Variants in SCHIP1 observed in about 807,000 individuals in gnomAD.
SCHIP1 encodes the protein schwannomin interacting protein 1, also known as schwannomin-interacting protein 1.
Under a neutral mutation model 29.7 loss-of-function variants are expected in SCHIP1, and 8 were observed. That is an observed-to-expected ratio of 0.27 (90% CI 0.16 to 0.49). SCHIP1 has a LOEUF of 0.49. Ranked by LOEUF, SCHIP1 falls within the 20% of genes least tolerant of loss-of-function variation. The pLI, the probability that SCHIP1 is intolerant of heterozygous loss-of-function variation, is 0.99. For missense variants in SCHIP1, 193 were observed against 294.6 expected (o/e 0.66, Z 2.52); for synonymous variants, 76 against 94.9 (o/e 0.80, Z 1.16).
chr3:159,554,082 G>A, the SCHIP1 span, among the ~76,000 whole-genome samples: 2 of 151,594 alleles, frequency 1.3e-5, no homozygotes, highest in African/African-American at 4.9e-5. Flanking sequence ...GTGTTAGCCG[G>A]GGTGGTCTCG....
chr3:159,795,857 T>G, the SCHIP1 span, among the ~76,000 whole-genome samples: 1 of 152,118 alleles, frequency 6.6e-6, no homozygotes, highest in Admixed American at 6.5e-5. Context: ...AAGCCAATAG[T>G]AAGAGGGAGG....
chr3:159,888,272 A>G (rs1717152275), intron 4 of SCHIP1: 1 of 292,034 alleles, frequency 3.4e-6, no homozygotes, highest in South Asian at 4.0e-5. Context: ...TAAAGACAAT[A>G]TCACATAGTG....
the SCHIP1 span, among the ~76,000 whole-genome samples, chr3:159,831,562 CAA>C: frequency 6.6e-6 from 1 of 152,080 alleles, no homozygotes; most frequent in African/African-American, 2.4e-5. Context: ...ATAATTATAA[CAA>C]TATGCCAGCA....
chr3:159,373,914 T>A, the SCHIP1 span, among the ~76,000 whole-genome samples: 1 of 152,164 alleles, frequency 6.6e-6, no homozygotes, highest in Non-Finnish European at 1.5e-5. Flanking sequence ...TTCCACATAC[T>A]ACATATCTTT....
the SCHIP1 span, among the ~76,000 whole-genome samples, chr3:159,303,721 G>A: frequency 9.2e-5 from 14 of 152,254 alleles, no homozygotes; most frequent in African/African-American, 3.4e-4. Context: ...TGAGCAGTAG[G>A]AGGGAGTTGA....
the SCHIP1 span, among the ~76,000 whole-genome samples, chr3:159,373,249 T>C: frequency 1.3e-5 from 2 of 151,414 alleles, no homozygotes; most frequent in African/African-American, 2.4e-5. Context: ...ATTACAGTTA[T>C]ATACATATAT....
At chr3:159,288,217 C>T in the SCHIP1 span, among the ~76,000 whole-genome samples, 3 of 152,070 alleles carry the variant, frequency 2.0e-5, no homozygotes, top group Non-Finnish European at 4.4e-5. Flanking sequence ...CAAAGACAAC[C>T]ACACTCTCAG....
At chr3:159,607,036 T>A in the SCHIP1 span, among the ~76,000 whole-genome samples, 2 of 152,352 alleles carry the variant, frequency 1.3e-5, no homozygotes, top group African/African-American at 4.8e-5. Context: ...CTTCAGTTCT[T>A]AGAAACTTAA....
the SCHIP1 span, among the ~76,000 whole-genome samples, chr3:159,528,249 A>T: frequency 1.3e-5 from 2 of 152,226 alleles, no homozygotes; most frequent in East Asian, 3.8e-4. Context: ...AGAACAGGAT[A>T]TTTAAATGTA....
At chr3:159,600,155 T>G in the SCHIP1 span, among the ~76,000 whole-genome samples, 1 of 152,174 alleles carries the variant, frequency 6.6e-6, no homozygotes, top group East Asian at 1.9e-4. Flanking sequence ...CATTTTGTCT[T>G]TGACTTTAGG....
At chr3:159,761,880 G>C in the SCHIP1 span, among the ~76,000 whole-genome samples, 1 of 152,170 alleles carries the variant, frequency 6.6e-6, no homozygotes, top group Admixed American at 6.5e-5. Flanking sequence ...CTCAGAGGGA[G>C]TCTGGGTGGG....
At chr3:159,467,942 T>C in the SCHIP1 span, among the ~76,000 whole-genome samples, 1 of 152,136 alleles carries the variant, frequency 6.6e-6, no homozygotes, top group Non-Finnish European at 1.5e-5. Flanking sequence ...ATAGAGTAAT[T>C]TACTTTCATT....
intron 1 of SCHIP1, among the ~76,000 whole-genome samples, chr3:159,858,848 A>G (rs1211625907): frequency 1.3e-5 from 2 of 152,206 alleles, no homozygotes; most frequent in Admixed American, 6.5e-5. Flanking sequence ...CCAGCAGCCC[A>G]GGCTGACACT....
the SCHIP1 span, among the ~76,000 whole-genome samples, chr3:159,761,250 G>A: frequency 4.5e-4 from 69 of 152,328 alleles, no homozygotes; most frequent in African/African-American, 1.6e-3. Flanking sequence ...GTAATTTCAG[G>A]ACACAGCGGC....
At chr3:159,500,388 G>A in the SCHIP1 span, among the ~76,000 whole-genome samples, 1 of 151,934 alleles carries the variant, frequency 6.6e-6, no homozygotes, top group Non-Finnish European at 1.5e-5. Context: ...TTGTTTTCTT[G>A]ACAACAGGTA....
chr3:159,344,635 C>G, the SCHIP1 span, among the ~76,000 whole-genome samples: 2 of 152,116 alleles, frequency 1.3e-5, no homozygotes, highest in Non-Finnish European at 2.9e-5. Context: ...TGTCAAGGTC[C>G]TCAATAGCAA....
the SCHIP1 span, among the ~76,000 whole-genome samples, chr3:159,538,322 C>T: frequency 4.6e-5 from 7 of 152,110 alleles, no homozygotes; most frequent in Non-Finnish European, 1.0e-4. Context: ...TTTTTGTCCA[C>T]TTGTGACTTG....
the SCHIP1 span, among the ~76,000 whole-genome samples, chr3:159,729,167 A>AAAAAG: frequency 1.3e-5 from 2 of 152,092 alleles, no homozygotes; most frequent in Non-Finnish European, 2.9e-5. Context: ...AAGAAAAGAA[A>AAAAAG]AAAAGAAAAG....
the SCHIP1 span, among the ~76,000 whole-genome samples, chr3:159,767,103 G>A: frequency 1.3e-5 from 2 of 152,144 alleles, no homozygotes; most frequent in South Asian, 2.1e-4. Flanking sequence ...CAGAAAAAAG[G>A]GAGAAGGAGG....
Sources: gnomAD v4.1 joint callset for allele counts (sites outside exome capture counted in the v4.1 genomes callset) on GRCh38, gnomAD v4.1.1 for gene constraint, MANE v1.5 for transcripts, NCBI Gene and HGNC (gene_info 2026-07-23, HGNC 2026-07-21) for gene names.